The following ZNF425 variants were observed in gnomAD, a reference collection of about 807,000 sequenced individuals.
ZNF425 encodes zinc finger protein 425.
ZNF425 carries 21 observed loss-of-function variants against 17.0 expected under a neutral mutation model. The observed-to-expected ratio is 1.23, with a 90% CI of 0.88 to 1.78. ZNF425 has a LOEUF of 1.78. Ranked by LOEUF, ZNF425 falls within the 40% of genes most tolerant of loss-of-function variation. The pLI is 0.00. For synonymous variants in ZNF425, 433 were observed against 384.1 expected, an observed-to-expected ratio of 1.13 and a Z score of -1.49; for missense variants, 868 against 967.3, an observed-to-expected ratio of 0.90 and a Z score of 1.36.
intron 1 of ZNF425, among the ~76,000 whole-genome samples, chr7:149,121,948 C>G (rs1376009366): frequency 6.6e-6 from 1 of 151,888 alleles, no homozygotes; most frequent in African/African-American, 2.4e-5. Flanking sequence ...CGGAGTCTCG[C>G]TCTGTCACCC....
At position 149,104,491 on chromosome 7, in the gene ZNF425, G is replaced by A. The variant is rs779176659; in HGVS notation, c.1380C>T (p.His460=). ...GFFWRNAMRA[H]QRLHSEQKPF... is the part of the protein sequence containing the mutation. ...GCTTTTGCTCGCTGTGCAGGCGCTGGTGGGCGCGCATGGCGTTCCTCCAGA... is the reference window on the plus strand; with the variant it reads ...GCTTTTGCTCGCTGTGCAGGCGCTGATGGGCGCGCATGGCGTTCCTCCAGA... The change falls in exon 4 of 4, where the codon CAC becomes CAT. Residue 460 remains histidine (H), a synonymous_variant. Coordinates refer to ENST00000378061, the MANE Select transcript of ZNF425 (RefSeq NM_001001661.3). This position sits in a 1 kb window ranked among gnomAD's most constrained non-coding sequence, Gnocchi z 4.3. 3.8e-6 allele frequency: 6 copies of A among 1,597,610 alleles called. No homozygotes were observed. The East Asian group carries it at 1.3e-4, about 36-fold the overall frequency.
At chr7:149,123,360 T>C (rs1465020057) in intron 1 of ZNF425, among the ~76,000 whole-genome samples, 1 of 151,986 alleles carries the variant, frequency 6.6e-6, no homozygotes, top group Non-Finnish European at 1.5e-5. Context: ...ATATAGAAAA[T>C]GTTGGTCAGA....
chr7:149,114,034 A>G (rs1826215939), intron 2 of ZNF425, among the ~76,000 whole-genome samples: 1 of 141,236 alleles, frequency 7.1e-6, no homozygotes, highest in Non-Finnish European at 1.5e-5. Flanking sequence ...AAAAAAAAAG[A>G]CTGTTCAGTT....
chr7:149,112,388 C>A, intron 2 of ZNF425, 93 bp from the exon 3 acceptor site: 1 of 1,106,008 alleles, frequency 9.0e-7, no homozygotes, highest in South Asian at 1.5e-5. Flanking sequence ...AATCCCAGCA[C>A]TTTGGGAGGC....
Position 149,126,308 on chromosome 7 carries a change from C to T in ZNF425, c.-95G>A. The T allele has an allele frequency of 6.7e-7, 1 of 1,499,552 alleles. No homozygotes were observed. Among genetic ancestry groups the T allele is most frequent in the Non-Finnish European group, 8.9e-7 (1 of 1,122,748 alleles). 92.9% of individuals were successfully genotyped at this position (1,499,552 alleles called of 1,614,324 possible). On this transcript the variant is annotated 5_prime_UTR_variant, in exon 1 of 4. Coordinates refer to ENST00000378061, the MANE Select transcript of ZNF425 (RefSeq NM_001001661.3). ...GTACAGCCCTGCTGGCCCCCAAAGG[C>T]AGAGCCGGCCGGGCGCGGTGCATGC... is the stretch of plus-strand genomic sequence containing the variant.
intron 1 of ZNF425, among the ~76,000 whole-genome samples, chr7:149,119,611 C>T (rs995398459): frequency 1.3e-5 from 2 of 152,062 alleles, no homozygotes; most frequent in Non-Finnish European, 1.5e-5. Flanking sequence ...TCCATAAATT[C>T]GACCAACCTT....
intron 3 of ZNF425, among the ~76,000 whole-genome samples, chr7:149,111,590 TAAAAAAAAAAAAAAAAAAAA>T (rs60783786): frequency 1.3e-4 from 7 of 54,382 alleles, no homozygotes; most frequent in African/African-American, 4.6e-4. Context: ...AGACTCTGTC[TAAAAAAAAAAAAAAAAAAAA>T]AAAAAAAAAA....
At chr7:149,107,155 T>C (rs530678205) in intron 3 of ZNF425, among the ~76,000 whole-genome samples, 1 of 151,466 alleles carries the variant, frequency 6.6e-6, no homozygotes, top group Admixed American at 6.6e-5. Context: ...GGCCATATTC[T>C]TGTCTCCCTT....
intron 2 of ZNF425, among the ~76,000 whole-genome samples, chr7:149,116,507 A>C (rs989391426): frequency 1.4e-4 from 22 of 152,068 alleles, no homozygotes; most frequent in African/African-American, 5.3e-4. Context: ...CTTAATTACT[A>C]CCTACCTGGT....
intron 1 of ZNF425, among the ~76,000 whole-genome samples, chr7:149,122,361 C>T (rs968325599): frequency 6.6e-6 from 1 of 151,956 alleles, no homozygotes; most frequent in Non-Finnish European, 1.5e-5. Flanking sequence ...AAGCAATCCT[C>T]CTGCCTCAGG....
At chr7:149,124,495 C>T (rs1023431686) in intron 1 of ZNF425, among the ~76,000 whole-genome samples, 3 of 151,804 alleles carry the variant, frequency 2.0e-5, no homozygotes, top group Non-Finnish European at 4.4e-5. Context: ...CCAAATTCCT[C>T]TACAGTTTTA....
intron 2 of ZNF425, among the ~76,000 whole-genome samples, chr7:149,112,653 A>C (rs115794612): frequency 0.045 from 6,813 of 152,144 alleles, 517 homozygotes; most frequent in African/African-American, 0.15. Context: ...ATTTTTAAAA[A>C]TTATTATCAT....
intron 1 of ZNF425, among the ~76,000 whole-genome samples, chr7:149,124,402 G>A (rs913284268): frequency 1.3e-5 from 2 of 152,114 alleles, no homozygotes; most frequent in Admixed American, 1.3e-4. Context: ...TGATCCGCCC[G>A]TCTTGGCCAC....
chr7:149,114,931 CTTTTTTTTTT>C (rs35954198), intron 2 of ZNF425, among the ~76,000 whole-genome samples: 3 of 101,026 alleles, frequency 3.0e-5, no homozygotes, highest in Non-Finnish European at 5.9e-5. Flanking sequence ...TCTTTCTTTT[CTTTTTTTTTT>C]TTTTTTTTTT....
chr7:149,121,859 G>A (rs1185078933), intron 1 of ZNF425, among the ~76,000 whole-genome samples: 1 of 151,998 alleles, frequency 6.6e-6, no homozygotes, highest in Admixed American at 6.6e-5. Flanking sequence ...CTTTTTATGT[G>A]TTTTTTCCCA....
rs1473602031 is a variant in ZNF425 at position 149,105,456 on chromosome 7, G to C, written c.415C>G (p.Gln139Glu). ...CTTGGAGACTGGAAGGTGGCTGTTTGAGCTAATAAAATCTTTCTCTCTTTC... is the reference window on the plus strand; with the variant it reads ...CTTGGAGACTGGAAGGTGGCTGTTTCAGCTAATAAAATCTTTCTCTCTTTC... ...RGKERKILLA[Q>E]TATFQSPSLR... The change falls in exon 4 of 4, where the codon CAA (glutamine) becomes GAA (glutamate). Residue 139 changes from glutamine (Q) to glutamate (E), a missense_variant. Around this residue, in one of 5 missense-constraint regions of ZNF425, gnomAD observed 179 missense variants for 216.3 expected, o/e 0.83. Transcript: ENST00000378061. The C allele has an allele frequency of 2.6e-6, 4 of 1,534,204 alleles. No individual in the cohort carries two copies. The highest frequency in any genetic ancestry group is 3.5e-6 in the Non-Finnish European group (4 of 1,146,420).
Position 149,105,582 on chromosome 7 carries a change from G to A in ZNF425, c.305-16C>T. The A allele has an allele frequency of 6.7e-7, 1 of 1,501,094 alleles. No homozygotes were observed. The highest frequency in any genetic ancestry group is 8.8e-7 in the Non-Finnish European group (1 of 1,130,548). 93.0% of individuals were successfully genotyped at this position (1,501,094 alleles called of 1,614,324 possible). On this transcript the variant is annotated splice_polypyrimidine_tract_variant and intron_variant, in intron 3 of 3. Transcript: ENST00000378061. ...CCTTCGTCATCTGGAGCAGAAAGAA[G>A]TATCACTCTCATCAGTGATATGTCT... is the stretch of plus-strand genomic sequence containing the variant.
In ZNF425 at chr7:149,105,135, A is replaced by T; in HGVS notation, c.736T>A (p.Phe246Ile). ...TQRLLCQKKR[F>I]QCSECEKSYF... is the part of the protein sequence containing the mutation. ...CTCTTCTCACACTCACTGCACTGGAACCGCTTCTTCTGACACAGGAGCCTC... is the reference window on the plus strand; with the variant it reads ...CTCTTCTCACACTCACTGCACTGGATCCGCTTCTTCTGACACAGGAGCCTC... Residue 246 changes from phenylalanine (F) to isoleucine (I), a missense_variant, in exon 4 of 4, where the codon TTC becomes ATC. Physicochemically the swap from Phe to Ile is conservative, Grantham distance 21. Coordinates refer to ENST00000378061, the MANE Select transcript of ZNF425 (RefSeq NM_001001661.3). The T allele has an allele frequency of 6.2e-7, 1 of 1,614,132 alleles. No individual in the cohort carries two copies. The highest frequency in any genetic ancestry group is 8.5e-7 in the Non-Finnish European group (1 of 1,180,022).
chr7:149,122,255 G>T (rs1826370076), intron 1 of ZNF425, among the ~76,000 whole-genome samples: 2 of 151,490 alleles, frequency 1.3e-5, no homozygotes, highest in African/African-American at 4.9e-5. Flanking sequence ...TTTCTAATTG[G>T]ATTTTTTTTT....
Sources: gnomAD v4.1 joint callset for allele counts (sites outside exome capture counted in the v4.1 genomes callset) on GRCh38, gnomAD v4.1.1 for gene constraint, gnomAD v4.1.1 regional missense constraint, Gnocchi (gnomAD v3.1) non-coding constraint, MANE v1.5 for transcripts, NCBI Gene and HGNC (gene_info 2026-07-23, HGNC 2026-07-21) for gene names.